The following DMXL1 variants were observed in gnomAD, a reference collection of about 807,000 sequenced individuals.
DMXL1 encodes the protein Dmx like 1, also known as dmX-like protein 1.
DMXL1 carries 99 observed loss-of-function variants against 319.2 expected under a neutral mutation model. The observed-to-expected ratio is 0.31, with a 90% CI of 0.26 to 0.37. The LOEUF (loss-of-function observed/expected upper bound fraction) is 0.37, where lower values mean the gene tolerates loss of function less well. Ranked by LOEUF, DMXL1 falls within the 10% of genes least tolerant of loss-of-function variation. The probability of loss-of-function intolerance (pLI) is 1.00; values close to 1 mark genes in which losing one functional copy is unlikely to be tolerated. For synonymous variants in DMXL1, 1,385 were observed against 1,235.2 expected (o/e 1.12, Z -2.54); for missense variants, 3,745 against 3,595.6 (o/e 1.04, Z -1.06).
intron 13 of DMXL1, chr5:119,138,799 T>A (rs1326531267): frequency 1.3e-5 from 2 of 152,284 alleles, no homozygotes; most frequent in Admixed American, 6.5e-5. Flanking sequence ...ATGACACGAC[T>A]GCACTCCAGC....
chr5:119,203,823 A>T lies in DMXL1; in HGVS notation c.7863+387A>T, dbSNP rs1781258539. Among the ~76,000 whole-genome samples, 4 of 151,812 alleles carry T rather than the reference A, an allele frequency of 2.6e-5. No individual in the cohort carries two copies. The South Asian group carries it at 8.3e-4, about 31-fold the overall frequency. On this transcript the variant is annotated intron_variant, in intron 33 of 43. Transcript: ENST00000539542. ...CTGAAAATTTTTTATTTATTTATTT[A>T]TTTATTTTTTCTTTGGAGATGGAGT...
At chr5:119,121,638 T>C (rs1335246261) in intron 9 of DMXL1, among the ~76,000 whole-genome samples, 1 of 152,210 alleles carries the variant, frequency 6.6e-6, no homozygotes, top group Non-Finnish European at 1.5e-5. Context: ...CAGAAGAATT[T>C]TTCTTAGTAC....
At chr5:119,232,487 T>C (rs544795730) in intron 38 of DMXL1, among the ~76,000 whole-genome samples, 29 of 152,270 alleles carry the variant, frequency 1.9e-4, no homozygotes, top group African/African-American at 7.0e-4. Context: ...GAGTGTTATA[T>C]GTTAGGCATA....
At chr5:119,099,247 G>C (rs1756696593) in intron 2 of DMXL1, among the ~76,000 whole-genome samples, 1 of 151,458 alleles carries the variant, frequency 6.6e-6, no homozygotes, top group African/African-American at 2.4e-5. Context: ...GTCTCGCTTT[G>C]TTGCCCAGGC....
Position 119,177,534 on chromosome 5 carries a change from T to G in DMXL1, c.6886+50T>G, listed in dbSNP as rs558521273. The G allele has an allele frequency of 3.0e-5, 44 of 1,469,664 alleles. No homozygotes were observed. In the Middle Eastern group the frequency reaches 5.3e-4, roughly 18 times the overall value. 91.0% of individuals were successfully genotyped at this position (1,469,664 alleles called of 1,614,324 possible). A position where few individuals can be genotyped will look rare whatever the true frequency, so the allele number is the denominator to read the frequency against. ...TTTTTTCTTAGTCTTATTTATAATC[T>G]TAGATAAGTAGAAAGACTTTTAGTT... is the stretch of plus-strand genomic sequence containing the variant. On this transcript the variant is annotated intron_variant, in intron 27 of 43. Transcript: ENST00000539542.
intron 8 of DMXL1, among the ~76,000 whole-genome samples, chr5:119,119,295 T>A (rs1260882948): frequency 6.6e-6 from 1 of 152,216 alleles, no homozygotes; most frequent in East Asian, 1.9e-4. Flanking sequence ...GAGATTTAAC[T>A]CTGAAAATAA....
At chr5:119,158,105 TTTTC>T (rs1447905761) in intron 19 of DMXL1, among the ~76,000 whole-genome samples, 1 of 152,096 alleles carries the variant, frequency 6.6e-6, no homozygotes, top group Non-Finnish European at 1.5e-5. Context: ...TTGCCCAGGC[TTTTC>T]TTAAACTCCT....
Position 119,147,450 on chromosome 5 carries a change from T to A in DMXL1, c.2891T>A (p.Ile964Lys). ...CATTTACCAGAAGGAGTTGAGATAA[T>A]AAGTATTAAGCCATCAGCAGGTTTG... ...ELHLPEGVEI[I>K]SIKPSAGHLS... Residue 964 changes from isoleucine (I) to lysine (K), a missense_variant, in exon 17 of 44, where the codon ATA becomes AAA. Transcript: ENST00000539542. 6.2e-7 allele frequency: 1 copy of A among 1,613,196 alleles called. No homozygotes were observed. Among genetic ancestry groups the A allele is most frequent in the Non-Finnish European group, 8.5e-7 (1 of 1,179,440 alleles).
chr5:119,120,700 AAT>A (rs140922925), intron 8 of DMXL1, among the ~76,000 whole-genome samples: 4,143 of 152,330 alleles, frequency 0.027, 176 homozygotes, highest in African/African-American at 0.094. Flanking sequence ...ATTTTAAGAA[AAT>A]AAGCCTAATA....
intron 19 of DMXL1, among the ~76,000 whole-genome samples, chr5:119,154,377 C>T (rs1770535868): frequency 6.6e-6 from 1 of 152,234 alleles, no homozygotes; most frequent in African/African-American, 2.4e-5. Flanking sequence ...TAAACGTTCT[C>T]CATTGAACAC....
chr5:119,115,178 C>T (rs1021798880), intron 6 of DMXL1, among the ~76,000 whole-genome samples: 2 of 152,102 alleles, frequency 1.3e-5, no homozygotes, highest in African/African-American at 2.4e-5. Context: ...GGTCATTAAT[C>T]GTAGGATTAA....
At chr5:119,112,075 C>G (rs1191436729) in intron 5 of DMXL1, among the ~76,000 whole-genome samples, 1 of 152,196 alleles carries the variant, frequency 6.6e-6, no homozygotes, top group Admixed American at 6.5e-5. Context: ...ATTCTCCTGC[C>G]TCGGCCTCCC....
intron 5 of DMXL1, among the ~76,000 whole-genome samples, chr5:119,113,245 G>C (rs1760067132): frequency 6.6e-6 from 1 of 151,068 alleles, no homozygotes; most frequent in East Asian, 1.9e-4. Flanking sequence ...ACATATTTTT[G>C]TTGTTGTTGT....
chr5:119,083,629 C>T (rs1752698647), intron 1 of DMXL1, among the ~76,000 whole-genome samples: 1 of 152,060 alleles, frequency 6.6e-6, no homozygotes, highest in Non-Finnish European at 1.5e-5. Flanking sequence ...GCAACCTCTG[C>T]TTCCTAGGTT....
Position 119,133,928 on chromosome 5 carries a change from C to G in DMXL1, c.2004C>G (p.Asn668Lys). 1 of 1,614,136 alleles carries G rather than the reference C, an allele frequency of 6.2e-7. No homozygotes were observed. The highest frequency in any genetic ancestry group is 1.1e-5 in the South Asian group (1 of 91,080). Residue 668 changes from asparagine (N) to lysine (K), a missense_variant, in exon 12 of 44, where the codon AAC (asparagine) becomes AAG (lysine). Transcript: ENST00000539542. ...CATTAAGGACACCAGATGTTGATAA[C>G]CCAGAGCAACCTTTTGATGCTCTAA... ...HNALRTPDVD[N>K]PEQPFDALNI... is the part of the protein sequence containing the mutation.
intron 1 of DMXL1, among the ~76,000 whole-genome samples, chr5:119,076,391 G>A (rs1031636923): frequency 6.6e-6 from 1 of 152,040 alleles, no homozygotes; most frequent in Middle Eastern, 3.2e-3. Flanking sequence ...GGGAGGATGG[G>A]AAGGTGTTTG....
At chr5:119,121,984 G>A (rs1218064695) in intron 9 of DMXL1, among the ~76,000 whole-genome samples, 7 of 146,834 alleles carry the variant, frequency 4.8e-5, no homozygotes, top group South Asian at 2.2e-4. Flanking sequence ...CAGTAGGGGC[G>A]GCCGGGCAGA....
intron 29 of DMXL1, among the ~76,000 whole-genome samples, chr5:119,191,555 A>G (rs1461788767): frequency 7.9e-5 from 12 of 152,190 alleles, no homozygotes; most frequent in Admixed American, 5.9e-4. Context: ...TGCTGGATAT[A>G]GGATTGTTGG....
In DMXL1 at chr5:119,082,178, C is replaced by T. The variant is rs565887750; in HGVS notation, c.87+10522C>T. On this transcript the variant is annotated intron_variant, in intron 1 of 43. Transcript: ENST00000539542. ...CCAGGCTGCAGTGTAGTGGCGCAGT[C>T]GTAACTCACTGCAGCCTCAAACTCT... Among the ~76,000 whole-genome samples the T allele has an allele frequency of 3.9e-5, 6 of 152,052 alleles. No individual in the cohort carries two copies. The South Asian group carries it at 8.3e-4, about 21-fold the overall frequency.
Sources: gnomAD v4.1 joint callset for allele counts (sites outside exome capture counted in the v4.1 genomes callset) on GRCh38, gnomAD v4.1.1 for gene constraint, MANE v1.5 for transcripts, NCBI Gene and HGNC (gene_info 2026-07-23, HGNC 2026-07-21) for gene names.